Variants in PLEKHG2 observed in about 807,000 individuals in gnomAD.
PLEKHG2 encodes the protein pleckstrin homology domain-containing family G member 2.
In PLEKHG2, 71 loss-of-function variants were observed where a neutral mutation model predicts 104.4. The observed-to-expected ratio is 0.68, with a 90% CI of 0.56 to 0.83. PLEKHG2 has a LOEUF of 0.83. Ranked by LOEUF, PLEKHG2 falls within the 40% of genes least tolerant of loss-of-function variation. PLEKHG2 has a pLI of 0.00. For synonymous variants in PLEKHG2, 728 were observed against 737.0 expected (o/e 0.99, Z 0.20); for missense variants, 1,730 against 1,809.4 (o/e 0.96, Z 0.80).
Position 39,420,840 on chromosome 19 carries a change from C to A in PLEKHG2, c.1387C>A (p.Arg463=). 6.2e-7 allele frequency: 1 copy of A among 1,614,162 alleles called. No individual in the cohort carries two copies. The highest frequency in any genetic ancestry group is 8.5e-7 in the Non-Finnish European group (1 of 1,180,024). The change falls in exon 13 of 19, where the codon CGA becomes AGA. Residue 463 remains arginine, a synonymous_variant. Coordinates refer to ENST00000425673, the MANE Select transcript of PLEKHG2 (RefSeq NM_022835.3). ...AGATGCTAGAAGTTTTACCCCTGGG[C>A]GAAGGAACACAGGTAAAGGCGGTGG... ...PRDARSFTPG[R]RNTAPSPGPS...
chr19:39,420,745 C>T lies in PLEKHG2; in HGVS notation c.1298-6C>T, dbSNP rs373113861. 8 of 1,614,044 alleles carry T rather than the reference C, an allele frequency of 5.0e-6. No homozygotes were observed. Among genetic ancestry groups the T allele is most frequent in the South Asian group, 3.3e-5 (3 of 91,080 alleles). On this transcript the variant is annotated splice_polypyrimidine_tract_variant and splice_region_variant and intron_variant, in intron 12 of 18. Transcript: ENST00000425673. ...TTGGCTTTTAGCCCCAAAACTCTCC[C>T]CACAGGTGCCCCCAAAAGTAAGCCT...
Position 39,424,542 on chromosome 19 carries a change from G to A in PLEKHG2, c.3409G>A (p.Asp1137Asn). 1 of 1,614,046 alleles carries A rather than the reference G, an allele frequency of 6.2e-7. No individual in the cohort carries two copies. Among genetic ancestry groups the A allele is most frequent in the Non-Finnish European group, 8.5e-7 (1 of 1,180,010 alleles). The change falls in exon 19 of 19, where the codon GAC (aspartate) becomes AAC (asparagine). Residue 1137 changes from aspartate (D) to asparagine (N), a missense_variant. Asp to Asn is a conservative substitution (Grantham distance 23, BLOSUM62 1). Transcript: ENST00000425673. ...APLSLSQELP[D>N]TQVPATTPLP... is the part of the protein sequence containing the mutation. ...ACTGTCTTTGTCCCAGGAGCTCCCA[G>A]ACACTCAGGTTCCAGCTACCACACC... is the stretch of plus-strand genomic sequence containing the variant.
Position 39,418,020 on chromosome 19 carries a change from G to A in PLEKHG2, c.998G>A (p.Gly333Asp). The A allele has an allele frequency of 6.4e-7, 1 of 1,561,292 alleles. No individual in the cohort carries two copies. The highest frequency in any genetic ancestry group is 2.3e-5 in the East Asian group (1 of 43,938). Residue 333 changes from glycine to aspartate, a missense_variant, in exon 9 of 19, where the codon GGT becomes GAT. Coordinates refer to ENST00000425673, the MANE Select transcript of PLEKHG2 (RefSeq NM_022835.3). The part of the protein sequence containing the change: ...GGGGGPRLRG[G>D]ERLLFLFSRM... ...GGGGGTGGCCCCCGGCTACGAGGGGGTGAGCGGCTGCTCTTCCTGTTCTCT... is the reference window on the plus strand; with the variant it reads ...GGGGGTGGCCCCCGGCTACGAGGGGATGAGCGGCTGCTCTTCCTGTTCTCT...
intron 8 of PLEKHG2, 100 bp downstream of exon 8, chr19:39,417,792 G>T: frequency 6.6e-7 from 1 of 1,510,144 alleles, no homozygotes; most frequent in Non-Finnish European, 8.8e-7. Context: ...AGCCTTGGAG[G>T]GTTGGCTGGG....
At chr19:39,420,575 T>C in intron 11 of PLEKHG2, 51 bp from the exon 12 acceptor site, 17 of 1,612,656 alleles carry the variant, frequency 1.1e-5, no homozygotes, top group Non-Finnish European at 1.4e-5. Context: ...GTATCCTCTC[T>C]GTGGTACTCC....
chr19:39,414,232 CT>C, intron 2 of PLEKHG2, 37 bp downstream of exon 2: 1 of 1,534,968 alleles, frequency 6.5e-7, no homozygotes, highest in Non-Finnish European at 8.8e-7. Flanking sequence ...GCCTGTGGGG[CT>C]TTTATTCCTT....
rs958049920 is a variant in PLEKHG2, at chr19:39,414,287, A to T, written c.109+92A>T. The stretch of plus-strand genomic sequence containing the variant: ...GGGTGATGGAGACAACCCCAGGCCA[A>T]CTCGCACAAAGCTCCGAGTCTGGTG... On this transcript the variant is annotated intron_variant, in intron 2 of 18. Transcript: ENST00000425673. 2.3e-6 allele frequency: 3 copies of T among 1,304,282 alleles called. No individual in the cohort carries two copies. In the Admixed American group the frequency reaches 6.3e-5, roughly 27 times the overall value. The allele number at this position is 1,304,282 out of a possible 1,614,324, so 80.8% of individuals were successfully genotyped here.
At chr19:39,418,126 G>C in intron 9 of PLEKHG2, 21 bp downstream of exon 9, 2 of 1,484,744 alleles carry the variant, frequency 1.3e-6, no homozygotes, top group Non-Finnish European at 1.8e-6. Context: ...GGATGGGGTG[G>C]GGCTAGAATA....
rs765792959 is a variant in PLEKHG2 at position 39,425,089 on chromosome 19, C to T, written c.3956C>T (p.Pro1319Leu). 193 of 1,589,000 alleles carry T rather than the reference C, an allele frequency of 1.2e-4. No homozygotes were observed. Among genetic ancestry groups the T allele is most frequent in the South Asian group, 2.2e-4 (19 of 88,216 alleles). Reference protein sequence around the residue: ...SSAPTSRASSPPPQPQPPPPP... With the variant: ...SSAPTSRASSLPPQPQPPPPP... ...GCTCCCACGTCACGGGCATCTTCGC[C>T]GCCCCCCCAGCCCCAGCCACCACCT... Residue 1319 changes from proline to leucine, a missense_variant, in exon 19 of 19, where the codon CCG becomes CTG. Coordinates refer to ENST00000425673, the MANE Select transcript of PLEKHG2 (RefSeq NM_022835.3).
At chr19:39,414,216 G>C (rs1360439659) in intron 2 of PLEKHG2, 21 bp downstream of exon 2, 1 of 1,548,290 alleles carries the variant, frequency 6.5e-7, no homozygotes, top group East Asian at 2.4e-5. Context: ...AGGCAGGGGC[G>C]GCGGAGCCTG....
At chr19:39,419,683 C>T (rs987634032) in intron 11 of PLEKHG2, among the ~76,000 whole-genome samples, 1 of 151,906 alleles carries the variant, frequency 6.6e-6, no homozygotes, top group Admixed American at 6.6e-5. Flanking sequence ...CGAGACCATC[C>T]TGGCTAACAT....
chr19:39,425,201 C>T lies in PLEKHG2; in HGVS notation c.4068C>T (p.Val1356=). 6.2e-7 allele frequency: 1 copy of T among 1,612,416 alleles called. No homozygotes were observed. The highest frequency in any genetic ancestry group is 8.5e-7 in the Non-Finnish European group (1 of 1,179,664). ...GGRLRPAKAQ[V]RLNHPALLAS... ...GGCTGCGGCCAGCCAAGGCCCAGGT[C>T]CGGTTGAACCACCCTGCTCTCTTGG... The change falls in exon 19 of 19, where the codon GTC becomes GTT. Residue 1356 remains valine, a synonymous_variant. Transcript: ENST00000425673.
rs773463728 is a variant in PLEKHG2 at position 39,423,081 on chromosome 19, G to C, written c.2027G>C (p.Ser676Thr). Reference protein sequence around the residue: ...FEMPCLPAIPSVPNTPSLSST... With the variant: ...FEMPCLPAIPTVPNTPSLSST... The stretch of plus-strand genomic sequence containing the variant: ...ATGCCCTGCCTTCCAGCCATACCTA[G>C]TGTCCCCAACACCCCCAGTCTGTCT... Residue 676 changes from serine to threonine, a missense_variant, in exon 18 of 19, where the codon AGT becomes ACT. Coordinates refer to ENST00000425673, the MANE Select transcript of PLEKHG2 (RefSeq NM_022835.3). The C allele has an allele frequency of 1.2e-6, 2 of 1,614,140 alleles. No homozygotes were observed. Among genetic ancestry groups the C allele is most frequent in the Non-Finnish European group, 8.5e-7 (1 of 1,180,026 alleles).
rs1568390697 is a variant in PLEKHG2 at position 39,416,779 on chromosome 19, C to A, written c.594-71C>A. 10 of 1,518,624 alleles carry A rather than the reference C, an allele frequency of 6.6e-6. No individual in the cohort carries two copies. The highest frequency in any genetic ancestry group is 8.9e-6 in the Non-Finnish European group (10 of 1,124,944). The allele number at this position is 1,518,624 out of a possible 1,614,324, so 94.1% of individuals were successfully genotyped here. On this transcript the variant is annotated intron_variant, in intron 6 of 18. Transcript: ENST00000425673. This position sits in a 1 kb window ranked among gnomAD's most constrained non-coding sequence, Gnocchi z 4.5. ...GACCCTGACCCTTCCCAAACCCTGG[C>A]CCCTCCCTAACCCCTCTTGACCCCG...
chr19:39,419,984 C>T lies in PLEKHG2; in HGVS notation c.1264-642C>T, dbSNP rs534482485. 3.9e-5 allele frequency among the ~76,000 whole-genome samples: 6 copies of T among 152,122 alleles called. 1 individual carries two copies. The highest frequency in any genetic ancestry group is 1.4e-4 in the African/African-American group (6 of 41,486). On this transcript the variant is annotated intron_variant, in intron 11 of 18. Coordinates refer to ENST00000425673, the MANE Select transcript of PLEKHG2 (RefSeq NM_022835.3). ...AGGAGAATCACTTGTACCTGGGAGG[C>T]GGAACTTGCGGTGAGCCGAGATCAT...
chr19:39,415,866 C>T lies in PLEKHG2; in HGVS notation c.479+427C>T, dbSNP rs572288463. Among the ~76,000 whole-genome samples the T allele has an allele frequency of 2.6e-5, 4 of 152,258 alleles. No homozygotes were observed. Among genetic ancestry groups the T allele is most frequent in the African/African-American group, 7.2e-5 (3 of 41,532 alleles). On this transcript the variant is annotated intron_variant, in intron 4 of 18. Transcript: ENST00000425673. This position sits in a 1 kb window ranked among gnomAD's most constrained non-coding sequence, Gnocchi z 4.6. ...TGAAGGCCGAGACAGCGTGAGCATG[C>T]GAGTGACCCCCTAAGCCTGATTTGC...
At position 39,415,034 on chromosome 19, in the gene PLEKHG2, G is replaced by A. The variant is rs1430637654; in HGVS notation, c.152G>A (p.Ser51Asn). 1 of 1,597,978 alleles carries A rather than the reference G, an allele frequency of 6.3e-7. No individual in the cohort carries two copies. Among genetic ancestry groups the A allele is most frequent in the Non-Finnish European group, 8.5e-7 (1 of 1,171,450 alleles). The change falls in exon 3 of 19, where the codon AGC becomes AAC. Residue 51 changes from serine (S) to asparagine (N), a missense_variant. Transcript: ENST00000425673. This position sits in a 1 kb window ranked among gnomAD's most constrained non-coding sequence, Gnocchi z 4.6. ...ATGGCCTCCCCCCGAGGTTCTGGGA[G>A]CTCCACATCCCTGAGCACAGTGGGC... ...PTMASPRGSG[S>N]STSLSTVGSE... is the part of the protein sequence containing the mutation.
intron 10 of PLEKHG2, 38 bp from the exon 11 acceptor site, chr19:39,418,879 A>G (rs766336975): frequency 6.3e-7 from 1 of 1,597,218 alleles, no homozygotes; most frequent in Non-Finnish European, 8.6e-7. Context: ...TCGAGACCTC[A>G]CACCTGGCCC....
chr19:39,421,296 C>T lies in PLEKHG2; in HGVS notation c.1500C>T (p.Phe500=). 1 of 1,613,712 alleles carries T rather than the reference C, an allele frequency of 6.2e-7. No homozygotes were observed. The highest frequency in any genetic ancestry group is 8.5e-7 in the Non-Finnish European group (1 of 1,179,690). The change falls in exon 16 of 19, where the codon TTC becomes TTT. Residue 500 remains phenylalanine (F), a synonymous_variant. Coordinates refer to ENST00000425673, the MANE Select transcript of PLEKHG2 (RefSeq NM_022835.3). ...CTCCATCCTTAGCTAAGCCTGGATT[C>T]AAGGTAAGAGATATCTCGAGATAGG... ...VMFPQNAKPG[F]KHAGSEGELY... is the part of the protein sequence containing the mutation.
Sources: gnomAD v4.1 joint callset for allele counts (sites outside exome capture counted in the v4.1 genomes callset) on GRCh38, gnomAD v4.1.1 for gene constraint, Gnocchi (gnomAD v3.1) non-coding constraint, MANE v1.5 for transcripts, NCBI Gene and HGNC (gene_info 2026-07-23, HGNC 2026-07-21) for gene names.